The following HHIP variants were observed in gnomAD, a reference collection of about 807,000 sequenced individuals.
HHIP encodes hedgehog interacting protein, also known as hedgehog-interacting protein.
A neutral mutation model predicts 74.0 loss-of-function variants in HHIP; 12 were observed. The observed-to-expected ratio is 0.16, with a 90% confidence interval of 0.10 to 0.26. HHIP has a LOEUF of 0.26. Ranked by LOEUF, HHIP falls within the 10% of genes least tolerant of loss-of-function variation. The pLI is 1.00. For synonymous variants in HHIP, 309 were observed against 311.6 expected (o/e 0.99, Z 0.09); for missense variants, 788 against 845.0 (o/e 0.93, Z 0.84).
intron 11 of HHIP, among the ~76,000 whole-genome samples, chr4:144,719,158 C>G (rs1277646267): frequency 3.3e-5 from 5 of 152,150 alleles, no homozygotes; most frequent in Non-Finnish European, 7.3e-5. Flanking sequence ...ACTTTAAAAG[C>G]TCATTCATGT....
At position 144,646,946 on chromosome 4, in the gene HHIP, G is replaced by C. The variant is rs200415043; in HGVS notation, c.271G>C (p.Glu91Gln). The C allele has an allele frequency of 8.7e-6, 14 of 1,608,318 alleles. No individual in the cohort carries two copies. The South Asian group carries it at 1.4e-4, about 17-fold the overall frequency. Reference sequence around the variant, plus strand: ...TGACAGCCCGGGGCTAGGGCGCCTGGAGAATAAGGTAGGCACTCACCGGCT... The same window carrying C: ...TGACAGCCCGGGGCTAGGGCGCCTGCAGAATAAGGTAGGCACTCACCGGCT... Reference protein sequence around the residue: ...RSDSPGLGRLENKIFSVTNNT... With the variant: ...RSDSPGLGRLQNKIFSVTNNT... The change falls in exon 1 of 13, where the codon GAG becomes CAG. Residue 91 changes from glutamate (E) to glutamine (Q), a missense_variant. By Grantham distance (29) the Glu-to-Gln change is conservative. This residue lies in a region of HHIP where 373 missense variants were observed against 366.4 expected (regional missense o/e 1.02). Transcript: ENST00000296575.
chr4:144,673,509 A>T (rs1042588155), intron 4 of HHIP, among the ~76,000 whole-genome samples: 2 of 152,210 alleles, frequency 1.3e-5, no homozygotes, highest in African/African-American at 4.8e-5. Context: ...TTTGAATGAG[A>T]CACACACACA....
At chr4:144,731,574 G>A (rs914695935) in intron 11 of HHIP, among the ~76,000 whole-genome samples, 4 of 151,886 alleles carry the variant, frequency 2.6e-5, no homozygotes, top group Admixed American at 1.3e-4. Flanking sequence ...CACCCAGGAC[G>A]ACACCCAGCT....
At chr4:144,709,035 T>C (rs925737847) in intron 7 of HHIP, among the ~76,000 whole-genome samples, 7 of 152,312 alleles carry the variant, frequency 4.6e-5, no homozygotes, top group Admixed American at 2.6e-4. Flanking sequence ...GCAATTTCAG[T>C]AACGAAAGCT....
At chr4:144,706,382 T>A in intron 4 of HHIP, 149 bp from the exon 5 acceptor site, 1 of 609,384 alleles carries the variant, frequency 1.6e-6, no homozygotes, top group Non-Finnish European at 2.8e-6. Flanking sequence ...TTTATAATCC[T>A]TTTTTGTGCA....
intron 4 of HHIP, among the ~76,000 whole-genome samples, chr4:144,666,248 CGTGTGTGTGTGTGTGTGTGTGT>C (rs5862718): frequency 7.0e-6 from 1 of 143,266 alleles, no homozygotes; most frequent in African/African-American, 2.6e-5. Context: ...ATACTACAGT[CGTGTGTGTGTGTGTGTGTGTGT>C]GTGTGTGTGT....
At chr4:144,722,973 A>C (rs1730680649) in intron 11 of HHIP, among the ~76,000 whole-genome samples, 1 of 152,228 alleles carries the variant, frequency 6.6e-6, no homozygotes, top group African/African-American at 2.4e-5. Flanking sequence ...ATTCTGACAA[A>C]GTTATGTAAC....
chr4:144,703,001 G>C (rs898165577), intron 4 of HHIP, among the ~76,000 whole-genome samples: 1 of 152,156 alleles, frequency 6.6e-6, no homozygotes, highest in African/African-American at 2.4e-5. Context: ...CGGATCACCT[G>C]AGGTCAGGAG....
chr4:144,713,513 T>A (rs1250520670), intron 8 of HHIP, among the ~76,000 whole-genome samples: 1 of 152,154 alleles, frequency 6.6e-6, no homozygotes, highest in Non-Finnish European at 1.5e-5. Context: ...AATTTTCAGA[T>A]TAATTTGCAA....
chr4:144,646,881 G>A lies in HHIP; in HGVS notation c.206G>A (p.Cys69Tyr), dbSNP rs757471321. 6.2e-7 allele frequency: 1 copy of A among 1,614,238 alleles called. No individual in the cohort carries two copies. The highest frequency in any genetic ancestry group is 1.7e-5 in the Admixed American group (1 of 60,028). The change falls in exon 1 of 13, where the codon TGC becomes TAC. Residue 69 changes from cysteine (C) to tyrosine (Y), a missense_variant. Transcript: ENST00000296575. Reference sequence around the variant, plus strand: ...CTGCTGAGTGGGGGAGAGATGCTGTGCGGTGGCTTCTACCCTCGGCTGTCC... The same window carrying A: ...CTGCTGAGTGGGGGAGAGATGCTGTACGGTGGCTTCTACCCTCGGCTGTCC... Reference protein sequence around the residue: ...LELLSGGEMLCGGFYPRLSCC... With the variant: ...LELLSGGEMLYGGFYPRLSCC...
chr4:144,721,538 C>T (rs1327330246), intron 11 of HHIP, among the ~76,000 whole-genome samples: 2 of 149,924 alleles, frequency 1.3e-5, no homozygotes. Flanking sequence ...AAATTAAATG[C>T]CATTGTTTAG....
chr4:144,652,892 T>G (rs893531087), intron 2 of HHIP, 95 bp downstream of exon 2: 1 of 811,062 alleles, frequency 1.2e-6, no homozygotes, highest in African/African-American at 1.8e-5. Flanking sequence ...CTTGTAAAAT[T>G]TATCTTGCCT....
At position 144,659,750 on chromosome 4, in the gene HHIP, A is replaced by T; in HGVS notation, c.743A>T (p.Glu248Val). The change falls in exon 4 of 13, where the codon GAA becomes GTA. Residue 248 changes from glutamate to valine, a missense_variant. Around this residue, in one of 3 missense-constraint regions of HHIP, gnomAD observed 373 missense variants for 366.4 expected, o/e 1.02. Coordinates refer to ENST00000296575, the MANE Select transcript of HHIP (RefSeq NM_022475.3). Reference sequence around the variant, plus strand: ...CAACGTCTCTTCATTCTGGAAAAAGAAGGTTATGTGAAGATACTTACCCCT... The same window carrying T: ...CAACGTCTCTTCATTCTGGAAAAAGTAGGTTATGTGAAGATACTTACCCCT... ...GSQRLFILEK[E>V]GYVKILTPEG... 6.2e-7 allele frequency: 1 copy of T among 1,612,014 alleles called. No individual in the cohort carries two copies. Among genetic ancestry groups the T allele is most frequent in the Non-Finnish European group, 8.5e-7 (1 of 1,179,324 alleles).
At chr4:144,658,306 C>T (rs1265939874) in intron 2 of HHIP, among the ~76,000 whole-genome samples, 6 of 151,974 alleles carry the variant, frequency 3.9e-5, no homozygotes, top group Non-Finnish European at 8.8e-5. Flanking sequence ...GTTTAAAACA[C>T]AAATGGGAAT....
At chr4:144,678,301 G>T (rs1310247822) in intron 4 of HHIP, among the ~76,000 whole-genome samples, 1 of 152,100 alleles carries the variant, frequency 6.6e-6, no homozygotes, top group Non-Finnish European at 1.5e-5. Flanking sequence ...GAAATATTTT[G>T]TACCCTACGG....
Position 144,742,473 on chromosome 4 carries a change from A to G in HHIP, c.*4516A>G, listed in dbSNP as rs1171923076. 1 of 152,126 alleles carries G rather than the reference A, an allele frequency of 6.6e-6. No individual in the cohort carries two copies. 9.4% of individuals were successfully genotyped at this position (152,126 alleles called of 1,614,324 possible). ...CTAACAGCAGGGAAAGTTAGTAGCT[A>G]TTTCCTAGCCAAGGAACAACCTTCT... On this transcript the variant is annotated 3_prime_UTR_variant, in exon 13 of 13. Transcript: ENST00000296575.
In HHIP at chr4:144,715,195, A is replaced by C. The variant is rs1730411699; in HGVS notation, c.1548-105A>C. 5 of 1,100,560 alleles carry C rather than the reference A, an allele frequency of 4.5e-6. No individual in the cohort carries two copies. In the South Asian group the frequency reaches 7.6e-5, roughly 17 times the overall value. The allele number at this position is 1,100,560 out of a possible 1,614,324, so 68.2% of individuals were successfully genotyped here. ...ATTTTTCCCTTTAGAAGCCAGGTCT[A>C]TGGCAAAGCAATTGTTTGTTATGAA... On this transcript the variant is annotated intron_variant, in intron 9 of 12. Coordinates refer to ENST00000296575, the MANE Select transcript of HHIP (RefSeq NM_022475.3).
intron 4 of HHIP, among the ~76,000 whole-genome samples, chr4:144,693,843 A>G (rs1729743615): frequency 1.3e-5 from 2 of 151,950 alleles, no homozygotes; most frequent in South Asian, 4.1e-4. Flanking sequence ...TCAGAAATAT[A>G]TATTATTAGT....
At chr4:144,730,511 A>G (rs6857302) in intron 11 of HHIP, among the ~76,000 whole-genome samples, 85,603 of 151,956 alleles carry the variant, frequency 0.56, 24,621 homozygotes, top group South Asian at 0.76. Flanking sequence ...GGTTCCAAAA[A>G]TTTAAAGAGT....
Sources: gnomAD v4.1 joint callset for allele counts (sites outside exome capture counted in the v4.1 genomes callset) on GRCh38, gnomAD v4.1.1 for gene constraint, gnomAD v4.1.1 regional missense constraint, MANE v1.5 for transcripts, NCBI Gene and HGNC (gene_info 2026-07-23, HGNC 2026-07-21) for gene names.